Variants in TUBGCP5 observed in about 807,000 individuals in gnomAD.
The protein encoded by TUBGCP5 is gamma-tubulin complex component 5.
TUBGCP5 carries 98 observed loss-of-function variants against 134.7 expected under a neutral mutation model. The observed-to-expected ratio is 0.73, with a 90% confidence interval of 0.62 to 0.86. TUBGCP5 has a LOEUF of 0.86. TUBGCP5 is among the 40% of genes least tolerant of loss of function. TUBGCP5 has a pLI of 0.00. For synonymous variants in TUBGCP5, 456 were observed against 431.4 expected (o/e 1.06, Z -0.71); for missense variants, 1,150 against 1,244.8 (o/e 0.92, Z 1.15).
intron 22 of TUBGCP5, chr15:23,000,230 A>T (rs1000178951): frequency 7.2e-5 from 86 of 1,193,618 alleles, no homozygotes; most frequent in South Asian, 1.1e-4. Context: ...TCCTAAAAAA[A>T]TTTTTAAAAA....
chr15:23,005,781 T>C lies in TUBGCP5; in HGVS notation c.2534-171A>G, dbSNP rs901560221. On this transcript the variant is annotated intron_variant, in intron 18 of 22. Coordinates refer to ENST00000615383, the MANE Select transcript of TUBGCP5 (RefSeq NM_052903.6). ...CCTCTGGAAGGTGCAGTGGGAAAAG[T>C]TTCCTGTATCACTTTTCCTAATCAA... 2.9e-5 allele frequency: 21 copies of C among 727,678 alleles called. No individual in the cohort carries two copies. The African/African-American group carries it at 3.4e-4, about 12-fold the overall frequency. The allele number at this position is 727,678 out of a possible 1,614,324, so 45.1% of individuals were successfully genotyped here. A position where few individuals can be genotyped will look rare whatever the true frequency, so the allele number is the denominator to read the frequency against.
At chr15:22,993,824 C>T (rs886738468) in intron 23 of TUBGCP5, among the ~76,000 whole-genome samples, 1 of 150,454 alleles carries the variant, frequency 6.6e-6, no homozygotes, top group African/African-American at 2.4e-5. Flanking sequence ...GGATTACAGG[C>T]GTGAGCCACC....
At chr15:23,023,190 G>C (rs2065800980) in intron 10 of TUBGCP5, 1 of 152,132 alleles carries the variant, frequency 6.6e-6, no homozygotes, top group South Asian at 2.1e-4. Flanking sequence ...AAATTAGCTG[G>C]GGATGGTGGC....
intron 6 of TUBGCP5, among the ~76,000 whole-genome samples, chr15:23,028,451 T>A (rs1309831414): frequency 4.8e-5 from 7 of 146,708 alleles, no homozygotes; most frequent in Non-Finnish European, 1.5e-5. Context: ...AATAACATGA[T>A]CAAGCAAGTT....
chr15:23,001,658 T>A (rs902228043), intron 21 of TUBGCP5, among the ~76,000 whole-genome samples: 2 of 151,834 alleles, frequency 1.3e-5, no homozygotes. Flanking sequence ...TCTTTCTTTT[T>A]TTTTTTTTTA....
intron 6 of TUBGCP5, among the ~76,000 whole-genome samples, chr15:23,029,229 TA>T (rs748999941): frequency 1.1e-4 from 16 of 152,190 alleles, no homozygotes; most frequent in African/African-American, 3.6e-4. Flanking sequence ...TTTATTTATT[TA>T]TTTTTTTTGA....
rs533118999 is a variant in TUBGCP5 at position 23,010,257 on chromosome 15, A to C, written c.1956-124T>G. Reference sequence around the variant, plus strand: ...AGTTACCAACTATTACAGAAAGAGAAAAATCTTTCTCCCAAAAATATCCTT... The same window carrying C: ...AGTTACCAACTATTACAGAAAGAGACAAATCTTTCTCCCAAAAATATCCTT... On this transcript the variant is annotated intron_variant, in intron 14 of 22. Transcript: ENST00000615383. 199 of 1,092,194 alleles carry C rather than the reference A, an allele frequency of 1.8e-4. 3 individuals carry two copies. The East Asian group carries it at 4.5e-3, about 25-fold the overall frequency. The allele number at this position is 1,092,194 out of a possible 1,614,324, so 67.7% of individuals were successfully genotyped here.
downstream of TUBGCP5, among the ~76,000 whole-genome samples, chr15:22,997,250 G>A (rs911258201): frequency 1.3e-5 from 2 of 151,806 alleles, no homozygotes; most frequent in African/African-American, 4.8e-5. Flanking sequence ...TGTGATCTCG[G>A]CTCACTGCAA....
intron 3 of TUBGCP5, 45 bp from the exon 4 acceptor site, chr15:23,032,869 G>T: frequency 1.4e-6 from 2 of 1,385,256 alleles, no homozygotes; most frequent in Non-Finnish European, 2.0e-6. Context: ...GTTGGGAAAT[G>T]CTTTCTACAC....
intron 16 of TUBGCP5, 102 bp downstream of exon 16, chr15:23,008,597 T>A (rs752842456): frequency 6.6e-6 from 9 of 1,362,550 alleles, no homozygotes; most frequent in Non-Finnish European, 4.2e-6. Flanking sequence ...GTAAAACTCA[T>A]AGGAATAGTG....
chr15:23,039,033 A>T (rs565965872), intron 1 of TUBGCP5, among the ~76,000 whole-genome samples: 849 of 58,156 alleles, frequency 0.015, 5 homozygotes, highest in Non-Finnish European at 0.021. Context: ...TCTTTAATTT[A>T]AAAAAAAAAA....
intron 7 of TUBGCP5, among the ~76,000 whole-genome samples, 182 bp downstream of exon 7, chr15:23,027,010 C>G (rs918218605): frequency 3.9e-5 from 6 of 152,064 alleles, no homozygotes; most frequent in Non-Finnish European, 7.4e-5. Flanking sequence ...GAGCTGAGAT[C>G]TGACCACTGC....
In TUBGCP5 at chr15:23,039,473, C is replaced by T. The variant is rs2066799667; in HGVS notation, c.71G>A (p.Arg24Gln). ...QQERDVRELV[R>Q]GVAGLQDEAD... is the part of the protein sequence containing the mutation. Reference sequence around the variant, plus strand: ...CTCGTCCTGGAGGCCGGCGACACCCCGGACGAGCTCCCGCACGTCGCGCTC... The same window carrying T: ...CTCGTCCTGGAGGCCGGCGACACCCTGGACGAGCTCCCGCACGTCGCGCTC... The change falls in exon 1 of 23, where the codon CGG becomes CAG. Residue 24 changes from arginine to glutamine, a missense_variant. By Grantham distance (43) the Arg-to-Gln change is conservative. This residue lies in a region of TUBGCP5 where 453 missense variants were observed against 394.7 expected (regional missense o/e 1.15). Coordinates refer to ENST00000615383, the MANE Select transcript of TUBGCP5 (RefSeq NM_052903.6). The T allele has an allele frequency of 2.0e-6, 3 of 1,534,018 alleles. No homozygotes were observed. Among genetic ancestry groups the T allele is most frequent in the Non-Finnish European group, 2.6e-6 (3 of 1,137,172 alleles).
chr15:22,991,108 T>A (rs2063830680), intron 23 of TUBGCP5, among the ~76,000 whole-genome samples: 1 of 152,120 alleles, frequency 6.6e-6, no homozygotes, highest in South Asian at 2.1e-4. Context: ...AATTACTTTT[T>A]TTTTTTTTGA....
intron 9 of TUBGCP5, 70 bp from the exon 10 acceptor site, chr15:23,024,263 G>A (rs1014600183): frequency 3.9e-6 from 6 of 1,541,122 alleles, no homozygotes; most frequent in African/African-American, 1.4e-5. Context: ...TTTCCCTCTC[G>A]CTGTAAAATA....
chr15:22,997,603 T>G (rs575038163), downstream of TUBGCP5, among the ~76,000 whole-genome samples: 1 of 152,062 alleles, frequency 6.6e-6, no homozygotes, highest in East Asian at 1.9e-4. Context: ...GTTCTAGCTT[T>G]CATATTTTTT....
In TUBGCP5 at chr15:23,022,154, T is replaced by G; in HGVS notation, c.1176A>C (p.Thr392=). 6.2e-7 allele frequency: 1 copy of G among 1,614,002 alleles called. No homozygotes were observed. Among genetic ancestry groups the G allele is most frequent in the Non-Finnish European group, 8.5e-7 (1 of 1,179,892 alleles). ...TGTCCACCACTATTGCAAGAGTTATTGTAGTATCTGCAAATATCAATAAAT... is the reference window on the plus strand; with the variant it reads ...TGTCCACCACTATTGCAAGAGTTATGGTAGTATCTGCAAATATCAATAAAT... ...IEKCIINNDT[T]ITLAIVVDKL... The change falls in exon 11 of 23, where the codon ACA becomes ACC. Residue 392 remains threonine (T), a synonymous_variant. Coordinates refer to ENST00000615383, the MANE Select transcript of TUBGCP5 (RefSeq NM_052903.6).
At chr15:23,031,837 T>C in intron 5 of TUBGCP5, 113 bp downstream of exon 5, 1 of 661,734 alleles carries the variant, frequency 1.5e-6, no homozygotes. Flanking sequence ...TCTAGCTTAG[T>C]GAAGAGTGTT....
chr15:22,992,151 G>A (rs566599217), intron 23 of TUBGCP5, among the ~76,000 whole-genome samples: 70 of 152,128 alleles, frequency 4.6e-4, no homozygotes, highest in Non-Finnish European at 2.6e-4. Context: ...CCTCCCTGGC[G>A]TAATAAATCC....
Sources: gnomAD v4.1 joint callset for allele counts (sites outside exome capture counted in the v4.1 genomes callset) on GRCh38, gnomAD v4.1.1 for gene constraint, gnomAD v4.1.1 regional missense constraint, MANE v1.5 for transcripts, NCBI Gene and HGNC (gene_info 2026-07-23, HGNC 2026-07-21) for gene names.